The following DOHH variants were observed in gnomAD, a reference collection of about 807,000 sequenced individuals.
The protein encoded by DOHH is deoxyhypusine hydroxylase.
Under a neutral mutation model 19.9 loss-of-function variants are expected in DOHH, and 16 were observed. That is an observed-to-expected ratio of 0.80 (90% CI 0.54 to 1.22). DOHH has a LOEUF of 1.22. Among genes scored for constraint, DOHH ranks in the 50% most tolerant of loss-of-function variants. The probability of loss-of-function intolerance (pLI) is 0.00; values close to 1 mark genes in which losing one functional copy is unlikely to be tolerated. For synonymous variants in DOHH, 233 were observed against 217.0 expected (o/e 1.07, Z -0.65); for missense variants, 460 against 460.6 (o/e 1.00, Z 0.01).
rs2082875511 is a variant in DOHH, at chr19:3,492,292, C to T, written c.559G>A (p.Gly187Ser). The change falls in exon 4 of 5, where the codon GGC (glycine) becomes AGC (serine). Residue 187 changes from glycine (G) to serine (S), a missense_variant. By Grantham distance (56) the Gly-to-Ser change is moderately conservative. Coordinates refer to ENST00000427575, the MANE Select transcript of DOHH (RefSeq NM_001145165.2). ...GCCAGCGCCAGGGCGGCCTCCTCGC[C>T]TCCCGCGTTGCGCAGGGCGAACATG... Reference protein sequence around the residue: ...RAMFALRNAGGEEAALALAEG... With the variant: ...RAMFALRNAGSEEAALALAEG... 3 of 1,509,648 alleles carry T rather than the reference C, an allele frequency of 2.0e-6. No homozygotes were observed. The highest frequency in any genetic ancestry group is 2.6e-6 in the Non-Finnish European group (3 of 1,137,720). 93.5% of individuals were successfully genotyped at this position (1,509,648 alleles called of 1,614,324 possible).
At chr19:3,495,177 A>T (rs1015714342) in intron 2 of DOHH, among the ~76,000 whole-genome samples, 2 of 151,870 alleles carry the variant, frequency 1.3e-5, no homozygotes, top group East Asian at 3.9e-4. Context: ...GGGTTTCACC[A>T]TGTTGGCCAG....
chr19:3,492,900 G>GAT (rs1324152449), intron 3 of DOHH, among the ~76,000 whole-genome samples: 2 of 152,230 alleles, frequency 1.3e-5, no homozygotes, highest in East Asian at 3.9e-4. Context: ...TCCTAAAGGT[G>GAT]ATGAGATATC....
Position 3,492,367 on chromosome 19 carries a change from G to A in DOHH, c.484C>T (p.Arg162Trp). Reference protein sequence around the residue: ...PAEERDVGRLREALLDESRPL... With the variant: ...PAEERDVGRLWEALLDESRPL... ...CGGGACTCATCCAGCAGCGCCTCCC[G>A]CAGGCGCCCCACGTCACGCTCCTCA... is the stretch of plus-strand genomic sequence containing the variant. The change falls in exon 4 of 5, where the codon CGG (arginine) becomes TGG (tryptophan). Residue 162 changes from arginine to tryptophan, a missense_variant. By Grantham distance (101) the Arg-to-Trp change is moderately radical. Coordinates refer to ENST00000427575, the MANE Select transcript of DOHH (RefSeq NM_001145165.2). 9.7e-6 allele frequency: 15 copies of A among 1,541,046 alleles called. No homozygotes were observed. The highest frequency in any genetic ancestry group is 2.5e-5 in the East Asian group (1 of 40,372).
At chr19:3,500,115 C>G (rs1046714859) in intron 1 of DOHH, among the ~76,000 whole-genome samples, 5 of 149,584 alleles carry the variant, frequency 3.3e-5, no homozygotes, top group South Asian at 2.1e-4. Context: ...CTTTCCAGAT[C>G]GGCTGAGAAC....
At chr19:3,497,692 A>G (rs989058087) in intron 1 of DOHH, among the ~76,000 whole-genome samples, 4 of 152,166 alleles carry the variant, frequency 2.6e-5, no homozygotes, top group African/African-American at 9.7e-5. Flanking sequence ...CAGCATGATC[A>G]CGGCTCACTG....
rs369473667 is a variant in DOHH at position 3,496,563 on chromosome 19, C to T, written c.252G>A (p.Glu84=). 4 of 1,612,856 alleles carry T rather than the reference C, an allele frequency of 2.5e-6. No individual in the cohort carries two copies. In the African/African-American group the frequency reaches 5.3e-5, roughly 22 times the overall value. ...CACCTGCCTCATGGCGCACCATGGG[C>T]TCCTGACGGGTGTCTTGCAGCACGT... ...LVDVLQDTRQ[E]PMVRHEAGEA... The change falls in exon 2 of 5, where the codon GAG becomes GAA. Residue 84 remains glutamate, a synonymous_variant. Coordinates refer to ENST00000427575, the MANE Select transcript of DOHH (RefSeq NM_001145165.2). The surrounding 1 kb of genome is among the most constrained non-coding windows in gnomAD (Gnocchi z 4.8).
rs1240361710 is a variant in DOHH, at chr19:3,491,559, T to C, written c.842A>G (p.Glu281Gly). Reference protein sequence around the residue: ...ESCEVALDMYEHETGRAFQYA... With the variant: ...ESCEVALDMYGHETGRAFQYA... ...CTGGAAGGCCCGCCCGGTCTCGTGC[T>C]CATACATGTCCAGAGCCACCTCGCA... The change falls in exon 5 of 5, where the codon GAG becomes GGG. Residue 281 changes from glutamate (E) to glycine (G), a missense_variant. Coordinates refer to ENST00000427575, the MANE Select transcript of DOHH (RefSeq NM_001145165.2). This position sits in a 1 kb window ranked among gnomAD's most constrained non-coding sequence, Gnocchi z 5.6. 6.5e-7 allele frequency: 1 copy of C among 1,535,914 alleles called. No homozygotes were observed. The highest frequency in any genetic ancestry group is 8.7e-7 in the Non-Finnish European group (1 of 1,146,728).
intron 3 of DOHH, 34 bp downstream of exon 3, chr19:3,493,994 A>C: frequency 1.9e-6 from 3 of 1,601,738 alleles, no homozygotes; most frequent in Non-Finnish European, 2.6e-6. Flanking sequence ...CAGGGACCCG[A>C]GACTGGCAGG....
In DOHH at chr19:3,491,724, G is replaced by T. The variant is rs1290740282; in HGVS notation, c.677C>A (p.Ala226Glu). ...LQHEAAVPQL[A>E]AALARCTENP... ...CTCGGTGCATCGGGCCAGGGCGGCC[G>T]CCAGCTGGGGCACCGCCGCCTCGTG... The change falls in exon 5 of 5, where the codon GCG (alanine) becomes GAG (glutamate). Residue 226 changes from alanine to glutamate, a missense_variant. Ala to Glu is a moderately radical substitution (Grantham distance 107). Transcript: ENST00000427575. This position sits in a 1 kb window ranked among gnomAD's most constrained non-coding sequence, Gnocchi z 5.6. 2.0e-6 allele frequency: 3 copies of T among 1,504,072 alleles called. No homozygotes were observed. Among genetic ancestry groups the T allele is most frequent in the Non-Finnish European group, 1.8e-6 (2 of 1,130,902 alleles). The allele number at this position is 1,504,072 out of a possible 1,614,324, so 93.2% of individuals were successfully genotyped here.
At position 3,496,820 on chromosome 19, in the gene DOHH, T is replaced by C. The variant is rs760106934; in HGVS notation, c.-6A>G. 2.5e-6 allele frequency: 4 copies of C among 1,574,448 alleles called. No homozygotes were observed. Among genetic ancestry groups the C allele is most frequent in the East Asian group, 4.5e-5 (2 of 44,360 alleles). On this transcript the variant is annotated 5_prime_UTR_variant, in exon 2 of 5. Coordinates refer to ENST00000427575, the MANE Select transcript of DOHH (RefSeq NM_001145165.2). This position sits in a 1 kb window ranked among gnomAD's most constrained non-coding sequence, Gnocchi z 4.8. The stretch of plus-strand genomic sequence containing the variant: ...ACCTCCTGCTCCGTCACCATCGTGC[T>C]GTCAATGGGTCCCGGCCTTCCACAA...
chr19:3,496,480 T>C lies in DOHH; in HGVS notation c.274+61A>G. 6.4e-7 allele frequency: 1 copy of C among 1,567,254 alleles called. No homozygotes were observed. The highest frequency in any genetic ancestry group is 8.6e-7 in the Non-Finnish European group (1 of 1,156,576). On this transcript the variant is annotated intron_variant, in intron 2 of 4. Coordinates refer to ENST00000427575, the MANE Select transcript of DOHH (RefSeq NM_001145165.2). The surrounding 1 kb of genome is among the most constrained non-coding windows in gnomAD (Gnocchi z 4.8). ...TCACCTGAGTGAGGAAGGGGACACG[T>C]GGGGTCATGAAGAAGTGAGGCAGGA...
chr19:3,496,508 G>A lies in DOHH; in HGVS notation c.274+33C>T, dbSNP rs762968887. 1 of 1,591,928 alleles carries A rather than the reference G, an allele frequency of 6.3e-7. No individual in the cohort carries two copies. The highest frequency in any genetic ancestry group is 8.6e-7 in the Non-Finnish European group (1 of 1,168,196). On this transcript the variant is annotated intron_variant, in intron 2 of 4. Coordinates refer to ENST00000427575, the MANE Select transcript of DOHH (RefSeq NM_001145165.2). This position sits in a 1 kb window ranked among gnomAD's most constrained non-coding sequence, Gnocchi z 4.8. ...GGTCATGAAGAAGTGAGGCAGGAGG[G>A]AGCAGGTGCCCGGGACACAGACAGG... is the stretch of plus-strand genomic sequence containing the variant.
In DOHH at chr19:3,493,047, C is replaced by T. The variant is rs556053984; in HGVS notation, c.352-548G>A. Among the ~76,000 whole-genome samples, 13 of 152,338 alleles carry T rather than the reference C, an allele frequency of 8.5e-5. No homozygotes were observed. The East Asian group carries it at 2.1e-3, about 25-fold the overall frequency. On this transcript the variant is annotated intron_variant, in intron 3 of 4. Coordinates refer to ENST00000427575, the MANE Select transcript of DOHH (RefSeq NM_001145165.2). ...CAGGGGAGAAAGGAACATGCATGTCCGTGGCGGCATAACTCATAACAGCTA... is the reference window on the plus strand; with the variant it reads ...CAGGGGAGAAAGGAACATGCATGTCTGTGGCGGCATAACTCATAACAGCTA...
Position 3,491,101 on chromosome 19 carries a change from G to T in DOHH, c.*391C>A, listed in dbSNP as rs2082865763. ...TCGCGATCCTCCCTTGGCTTCCCTCGCGATCCTCCCCTGGCTTCCCTCGCG... is the reference window on the plus strand; with the variant it reads ...TCGCGATCCTCCCTTGGCTTCCCTCTCGATCCTCCCCTGGCTTCCCTCGCG... On this transcript the variant is annotated 3_prime_UTR_variant, in exon 5 of 5. Transcript: ENST00000427575. This position sits in a 1 kb window ranked among gnomAD's most constrained non-coding sequence, Gnocchi z 5.6. 2 of 264,240 alleles carry T rather than the reference G, an allele frequency of 7.6e-6. No homozygotes were observed. Among genetic ancestry groups the T allele is most frequent in the Non-Finnish European group, 1.4e-5 (2 of 141,040 alleles). 16.4% of individuals were successfully genotyped at this position (264,240 alleles called of 1,614,324 possible).
chr19:3,492,589 G>A (rs1318270545), intron 3 of DOHH, 90 bp from the exon 4 acceptor site: 3 of 1,066,174 alleles, frequency 2.8e-6, no homozygotes, highest in East Asian at 3.2e-5. Flanking sequence ...TAGCAGGGGA[G>A]AGAGACACTG....
At chr19:3,493,759 G>A (rs1024037028) in intron 3 of DOHH, among the ~76,000 whole-genome samples, 1 of 152,172 alleles carries the variant, frequency 6.6e-6, no homozygotes, top group Non-Finnish European at 1.5e-5. Context: ...AGAGAAAGGG[G>A]GTCAGGCCGG....
At chr19:3,495,419 C>T (rs59800597) in intron 2 of DOHH, among the ~76,000 whole-genome samples, 141 of 152,226 alleles carry the variant, frequency 9.3e-4, no homozygotes, top group Non-Finnish European at 1.7e-3. Flanking sequence ...TGGGACCACA[C>T]GCGTGAGCCA....
intron 1 of DOHH, among the ~76,000 whole-genome samples, chr19:3,497,261 G>C (rs1393544230): frequency 1.3e-5 from 2 of 152,132 alleles, no homozygotes; most frequent in Non-Finnish European, 1.5e-5. Context: ...CTCTGAACAG[G>C]GCTGACCCAT....
At chr19:3,493,126 C>T (rs1329955919) in intron 3 of DOHH, among the ~76,000 whole-genome samples, 2 of 152,084 alleles carry the variant, frequency 1.3e-5, no homozygotes, top group Non-Finnish European at 2.9e-5. Context: ...CAGCATGGGC[C>T]GTCCACACCA....
Sources: gnomAD v4.1 joint callset for allele counts (sites outside exome capture counted in the v4.1 genomes callset) on GRCh38, gnomAD v4.1.1 for gene constraint, Gnocchi (gnomAD v3.1) non-coding constraint, MANE v1.5 for transcripts, NCBI Gene and HGNC (gene_info 2026-07-23, HGNC 2026-07-21) for gene names.